MITF: variants seen among roughly 807,000 people sequenced by gnomAD.
The protein encoded by MITF is microphthalmia-associated transcription factor.
In MITF, 17 loss-of-function variants were observed where a neutral mutation model predicts 60.5. That is an observed-to-expected ratio of 0.28 (90% CI 0.19 to 0.42). The LOEUF (loss-of-function observed/expected upper bound fraction) is 0.42, where lower values mean the gene tolerates loss of function less well. Among genes scored for constraint, MITF ranks in the 10% least tolerant of loss-of-function variants. MITF has a pLI of 1.00. For missense variants in MITF, 622 were observed against 683.5 expected, an observed-to-expected ratio of 0.91 and a Z score of 1.00; for synonymous variants, 260 against 248.5, an observed-to-expected ratio of 1.05 and a Z score of -0.43.
intron 5 of MITF, among the ~76,000 whole-genome samples, chr3:69,948,187 C>T (rs1187160589): frequency 6.6e-6 from 1 of 152,042 alleles, no homozygotes; most frequent in Non-Finnish European, 1.5e-5. Context: ...ACGATTTCTC[C>T]ATAGTTACTA....
At chr3:69,848,957 C>CTTTTTTT (rs55969316) in intron 1 of MITF, among the ~76,000 whole-genome samples, 5 of 73,302 alleles carry the variant, frequency 6.8e-5, no homozygotes, top group African/African-American at 2.0e-4. Context: ...AAAGATTCTT[C>CTTTTTTT]TTTTTTTTTT....
At chr3:69,781,654 A>AC (rs1408093177) in intron 1 of MITF, among the ~76,000 whole-genome samples, 1 of 152,076 alleles carries the variant, frequency 6.6e-6, no homozygotes, top group Non-Finnish European at 1.5e-5. Context: ...AGATTTTGAC[A>AC]CCCCCAAAGG....
At chr3:69,919,859 C>G (rs570724041) in intron 2 of MITF, among the ~76,000 whole-genome samples, 1 of 151,798 alleles carries the variant, frequency 6.6e-6, no homozygotes, top group South Asian at 2.1e-4. Context: ...GTTGCTGCTG[C>G]TGTTGTTGTT....
At chr3:69,959,249 T>C (rs1446530648) in intron 8 of MITF, 24 bp from the exon 9 acceptor site, 1 of 1,613,502 alleles carries the variant, frequency 6.2e-7, no homozygotes, top group Non-Finnish European at 8.5e-7. Context: ...TAAAAATATC[T>C]GTTTTCCTCC....
intron 2 of MITF, among the ~76,000 whole-genome samples, chr3:69,884,352 A>G (rs1252101130): frequency 6.6e-6 from 1 of 152,178 alleles, no homozygotes; most frequent in Admixed American, 6.6e-5. Flanking sequence ...ACTTTTTATC[A>G]GGTAGACATA....
intron 1 of MITF, chr3:69,779,071 C>T (rs1459078964): frequency 6.6e-6 from 1 of 152,114 alleles, no homozygotes; most frequent in Non-Finnish European, 1.5e-5. Flanking sequence ...TCATGAAGTG[C>T]AAATATTTGT....
chr3:69,846,816 CAAAAAAA>C lies in MITF; in HGVS notation c.105-32304_105-32298del, dbSNP rs375853591. 1.1e-4 allele frequency among the ~76,000 whole-genome samples: 11 copies of C among 100,306 alleles called. No homozygotes were observed. The East Asian group carries it at 3.2e-3, about 29-fold the overall frequency. 65.8% of individuals were successfully genotyped at this position (100,306 alleles called of 152,430 possible). ...TGGGCAACAGAGTGAGACTCTTTCT[CAAAAAAA>C]AAAAAAAAAAAAAGGAATATAATGC... On this transcript the variant is annotated intron_variant, in intron 1 of 9. Coordinates refer to ENST00000352241, the MANE Select transcript of MITF (RefSeq NM_001354604.2).
chr3:69,892,773 C>T (rs1348298472), intron 2 of MITF, among the ~76,000 whole-genome samples: 1 of 152,120 alleles, frequency 6.6e-6, no homozygotes, highest in Non-Finnish European at 1.5e-5. Context: ...AGCAGTAGGC[C>T]CTTCATGGTC....
intron 1 of MITF, among the ~76,000 whole-genome samples, chr3:69,833,518 G>C (rs575088813): frequency 5.3e-5 from 8 of 151,800 alleles, no homozygotes; most frequent in Non-Finnish European, 5.9e-5. Flanking sequence ...GTATGTGGTT[G>C]TTTTTCTATT....
chr3:69,895,952 ACAC>A (rs1041503215), intron 2 of MITF, among the ~76,000 whole-genome samples: 3 of 151,398 alleles, frequency 2.0e-5, no homozygotes, highest in African/African-American at 7.3e-5. Context: ...ATAGATGCTA[ACAC>A]CCCCCTTCCC....
intron 1 of MITF, among the ~76,000 whole-genome samples, chr3:69,807,694 T>A (rs2106978792): frequency 6.6e-6 from 1 of 152,362 alleles, no homozygotes; most frequent in South Asian, 2.1e-4. Flanking sequence ...GATACCTTTA[T>A]TTGGGTCAAA....
intron 1 of MITF, among the ~76,000 whole-genome samples, chr3:69,835,541 A>C (rs748938883): frequency 7.2e-5 from 11 of 152,108 alleles, no homozygotes; most frequent in Non-Finnish European, 1.6e-4. Context: ...TATTTAAAAA[A>C]TCCTTGCCAA....
chr3:69,930,094 A>T (rs1014966095), intron 2 of MITF, among the ~76,000 whole-genome samples: 1 of 152,138 alleles, frequency 6.6e-6, no homozygotes, highest in Non-Finnish European at 1.5e-5. Flanking sequence ...GGAGGAGCCA[A>T]TTTGGAAGAG....
intron 1 of MITF, among the ~76,000 whole-genome samples, chr3:69,787,739 C>T (rs1360349422): frequency 2.0e-5 from 3 of 152,074 alleles, no homozygotes; most frequent in East Asian, 1.9e-4. Flanking sequence ...CATTGAGCCT[C>T]ATGTTTTAAT....
chr3:69,781,964 C>G (rs1195768301), intron 1 of MITF, among the ~76,000 whole-genome samples: 1 of 152,194 alleles, frequency 6.6e-6, no homozygotes, highest in African/African-American at 2.4e-5. Flanking sequence ...TTCCTAAGTT[C>G]ATTTGGAACA....
chr3:69,891,410 A>G (rs959073292), intron 2 of MITF, among the ~76,000 whole-genome samples: 1 of 152,168 alleles, frequency 6.6e-6, no homozygotes, highest in Non-Finnish European at 1.5e-5. Flanking sequence ...AGCATTGTGT[A>G]ACTCAGGGGT....
chr3:69,746,759 G>A (rs1703741731), intron 1 of MITF, among the ~76,000 whole-genome samples: 3 of 152,276 alleles, frequency 2.0e-5, no homozygotes, highest in Admixed American at 6.5e-5. Context: ...TCCGAGGATA[G>A]GAATTATACC....
intron 1 of MITF, among the ~76,000 whole-genome samples, chr3:69,807,964 A>G (rs112013898): frequency 4.6e-5 from 7 of 150,978 alleles, no homozygotes; most frequent in African/African-American, 1.7e-4. Flanking sequence ...ACATATGTAT[A>G]TATATAAATA....
chr3:69,876,236 A>G (rs2064350938), intron 1 of MITF, among the ~76,000 whole-genome samples: 1 of 151,990 alleles, frequency 6.6e-6, no homozygotes, highest in Non-Finnish European at 1.5e-5. Flanking sequence ...ACAGCCAATG[A>G]CTCGTCTTGA....
Sources: gnomAD v4.1 joint callset for allele counts (sites outside exome capture counted in the v4.1 genomes callset) on GRCh38, gnomAD v4.1.1 for gene constraint, MANE v1.5 for transcripts, NCBI Gene and HGNC (gene_info 2026-07-23, HGNC 2026-07-21) for gene names.